Variants in GDA observed in about 807,000 individuals in gnomAD.
The protein encoded by GDA is guanine deaminase.
In GDA, 18 loss-of-function variants were observed where a neutral mutation model predicts 59.6. The observed-to-expected ratio is 0.30, with a 90% CI of 0.21 to 0.45. The LOEUF (loss-of-function observed/expected upper bound fraction) is 0.45. Ranked by LOEUF, GDA falls within the 20% of genes least tolerant of loss-of-function variation. The pLI, the probability that GDA is intolerant of heterozygous loss-of-function variation, is 1.00. For synonymous variants in GDA, 201 were observed against 201.1 expected, an observed-to-expected ratio of 1.00 and a Z score of 0.00; for missense variants, 427 against 552.3, an observed-to-expected ratio of 0.77 and a Z score of 2.27.
chr9:72,189,469 C>T (rs553846940), intron 1 of GDA, among the ~76,000 whole-genome samples: 4 of 152,216 alleles, frequency 2.6e-5, no homozygotes, highest in Non-Finnish European at 4.4e-5. Flanking sequence ...TAAGCCACCA[C>T]GCCTGACCTG....
chr9:72,159,605 T>C (rs1828357825), intron 1 of GDA, among the ~76,000 whole-genome samples: 1 of 152,098 alleles, frequency 6.6e-6, no homozygotes, highest in African/African-American at 2.4e-5. Context: ...ATTTTAAAAT[T>C]CCAAGATTCT....
At chr9:72,168,503 T>G (rs566450850) in intron 1 of GDA, among the ~76,000 whole-genome samples, 5 of 151,516 alleles carry the variant, frequency 3.3e-5, no homozygotes, top group Non-Finnish European at 7.4e-5. Context: ...CAAATGATTC[T>G]TGTGTCTCAA....
chr9:72,116,910 TGC>T (rs1292326938), intron 1 of GDA, among the ~76,000 whole-genome samples: 1 of 151,828 alleles, frequency 6.6e-6, no homozygotes, highest in African/African-American at 2.4e-5. Flanking sequence ...TATCTCCTAA[TGC>T]TATCCCTCCC....
chr9:72,129,050 C>T (rs1825941731), intron 1 of GDA, among the ~76,000 whole-genome samples: 1 of 151,990 alleles, frequency 6.6e-6, no homozygotes, highest in African/African-American at 2.4e-5. Context: ...GCAACCTCTG[C>T]CCCCTGGGTT....
chr9:72,254,831 T>C (rs866431571), downstream of GDA, among the ~76,000 whole-genome samples: 1 of 152,220 alleles, frequency 6.6e-6, no homozygotes, highest in Non-Finnish European at 1.5e-5. Flanking sequence ...CCTGGAACAC[T>C]TGAGAGACTT....
chr9:72,195,632 C>T, intron 2 of GDA, 44 bp downstream of exon 2: 1 of 785,196 alleles, frequency 1.3e-6, no homozygotes, highest in East Asian at 2.6e-5. Context: ...CACTAATAAG[C>T]TTAAATTATA....
At chr9:72,201,993 T>C (rs1431452541) in intron 2 of GDA, among the ~76,000 whole-genome samples, 2 of 152,204 alleles carry the variant, frequency 1.3e-5, no homozygotes, top group Non-Finnish European at 2.9e-5. Flanking sequence ...TGAGATCGCC[T>C]GTCCCTAACC....
chr9:72,253,050 C>G (rs1187252191), downstream of GDA, among the ~76,000 whole-genome samples: 1 of 152,110 alleles, frequency 6.6e-6, no homozygotes, highest in Non-Finnish European at 1.5e-5. Flanking sequence ...TACGGATCCT[C>G]CTTTACACAG....
chr9:72,240,482 T>C (rs1027223380), intron 10 of GDA, among the ~76,000 whole-genome samples: 1 of 152,206 alleles, frequency 6.6e-6, no homozygotes, highest in Non-Finnish European at 1.5e-5. Context: ...TTTAAACCAT[T>C]TGAGTATTGT....
chr9:72,149,670 C>T lies in GDA; in HGVS notation c.111C>T (p.Ser37=). 6.2e-7 allele frequency: 1 copy of T among 1,600,072 alleles called. No homozygotes were observed. The highest frequency in any genetic ancestry group is 8.5e-7 in the Non-Finnish European group (1 of 1,174,408). The part of the protein sequence containing the change: ...EVLRDHLLGV[S]DSGKIVFLEE... ...TGCGGGATCACCTCCTCGGCGTGAG[C>T]GACAGCGGCAAAGTAAGCAGGCGCG... Residue 37 remains serine, a synonymous_variant, in exon 1 of 14, where the codon AGC becomes AGT. Transcript: ENST00000358399.
chr9:72,145,657 T>A (rs530765986), upstream of GDA, among the ~76,000 whole-genome samples: 1 of 152,312 alleles, frequency 6.6e-6, no homozygotes, highest in East Asian at 1.9e-4. Context: ...TAGAACACGA[T>A]GATCCCACCC....
At chr9:72,247,176 C>A (rs1000825080) in intron 12 of GDA, among the ~76,000 whole-genome samples, 3 of 152,000 alleles carry the variant, frequency 2.0e-5, no homozygotes, top group African/African-American at 7.2e-5. Flanking sequence ...ATTCACATAC[C>A]CAGAACTTTC....
At chr9:72,186,900 C>T (rs1272268552) in intron 1 of GDA, among the ~76,000 whole-genome samples, 19 of 152,166 alleles carry the variant, frequency 1.2e-4, no homozygotes, top group Admixed American at 1.2e-3. Flanking sequence ...CCATTGGAAC[C>T]CACAGGGCCA....
chr9:72,196,916 A>G (rs1833265579), intron 2 of GDA, among the ~76,000 whole-genome samples: 1 of 152,212 alleles, frequency 6.6e-6, no homozygotes, highest in African/African-American at 2.4e-5. Context: ...TGCAAAGGAC[A>G]TGAATGGGAA....
chr9:72,210,655 C>T (rs777912068), intron 3 of GDA, 32 bp from the exon 4 acceptor site: 41 of 1,224,016 alleles, frequency 3.3e-5, no homozygotes, highest in Non-Finnish European at 4.2e-5. Context: ...TCTGAGCACA[C>T]GTGATTCGCG....
chr9:72,136,960 C>G (rs1272003107), intron 1 of GDA, among the ~76,000 whole-genome samples: 4 of 151,942 alleles, frequency 2.6e-5, no homozygotes, highest in Non-Finnish European at 4.4e-5. Context: ...TGGTCCTTGG[C>G]AGACAGGGTG....
At chr9:72,232,111 C>A in intron 10 of GDA, among the ~76,000 whole-genome samples, 1 of 152,194 alleles carries the variant, frequency 6.6e-6, no homozygotes, top group Non-Finnish European at 1.5e-5. Context: ...TCTAGGTGTC[C>A]TCTGTGAGGC....
At chr9:72,131,500 C>G (rs538082369) in intron 1 of GDA, among the ~76,000 whole-genome samples, 1 of 152,206 alleles carries the variant, frequency 6.6e-6, no homozygotes, top group South Asian at 2.1e-4. Flanking sequence ...TCACCTCCCA[C>G]CAGGCCCCAT....
At chr9:72,225,499 T>C (rs1174718290) in intron 7 of GDA, among the ~76,000 whole-genome samples, 178 bp from the exon 8 acceptor site, 1 of 148,738 alleles carries the variant, frequency 6.7e-6, no homozygotes, top group East Asian at 1.9e-4. Context: ...ATATACATTA[T>C]ATTATCTATG....
Sources: gnomAD v4.1 joint callset for allele counts (sites outside exome capture counted in the v4.1 genomes callset) on GRCh38, gnomAD v4.1.1 for gene constraint, MANE v1.5 for transcripts, NCBI Gene and HGNC (gene_info 2026-07-23, HGNC 2026-07-21) for gene names.